The following HTR1F variants were observed in gnomAD, a reference collection of about 807,000 sequenced individuals.
HTR1F encodes the protein 5-hydroxytryptamine (serotonin) receptor 1F, G protein-coupled.
In HTR1F, 17 loss-of-function variants were observed where a neutral mutation model predicts 24.0. The observed-to-expected ratio is 0.71, with a 90% CI of 0.48 to 1.06. The LOEUF is 1.06. Among genes scored for constraint, HTR1F ranks in the 50% least tolerant of loss-of-function variants. HTR1F has a pLI of 0.00. For missense variants in HTR1F, 391 were observed against 427.8 expected (o/e 0.91, Z 0.76); for synonymous variants, 186 against 156.8 (o/e 1.19, Z -1.39).
chr3:87,863,195 G>T (rs1197028175), intron 2 of HTR1F, among the ~76,000 whole-genome samples: 3 of 152,188 alleles, frequency 2.0e-5, no homozygotes, highest in Admixed American at 6.6e-5. Context: ...TTAGCAAAAG[G>T]TCGTCCAACC....
chr3:87,963,360 C>A (rs947536504), intron 2 of HTR1F, among the ~76,000 whole-genome samples: 3 of 152,070 alleles, frequency 2.0e-5, no homozygotes, highest in African/African-American at 7.2e-5. Context: ...ACAACTATCT[C>A]TAGGAAAGCT....
At chr3:87,817,056 T>A (rs1575901950) in intron 1 of HTR1F, among the ~76,000 whole-genome samples, 1 of 152,140 alleles carries the variant, frequency 6.6e-6, no homozygotes, top group East Asian at 1.9e-4. Flanking sequence ...GAGCTTATAG[T>A]TTTACTAAAG....
At chr3:87,875,107 G>A (rs1433240436) in intron 2 of HTR1F, among the ~76,000 whole-genome samples, 1 of 152,070 alleles carries the variant, frequency 6.6e-6, no homozygotes, top group Non-Finnish European at 1.5e-5. Flanking sequence ...CAAAAGCACA[G>A]GTTAACAAAA....
chr3:87,946,326 A>G (rs1259432320), intron 2 of HTR1F, among the ~76,000 whole-genome samples: 1 of 152,176 alleles, frequency 6.6e-6, no homozygotes, highest in Non-Finnish European at 1.5e-5. Flanking sequence ...GCAAGATTTA[A>G]TAGCCTGAAA....
At chr3:87,912,431 A>G (rs1703798561) in intron 2 of HTR1F, among the ~76,000 whole-genome samples, 1 of 152,100 alleles carries the variant, frequency 6.6e-6, no homozygotes, top group South Asian at 2.1e-4. Flanking sequence ...TGATACAAAC[A>G]AATGGAAAAA....
At chr3:87,849,267 T>C (rs1374260108) in intron 2 of HTR1F, among the ~76,000 whole-genome samples, 15 of 151,660 alleles carry the variant, frequency 9.9e-5, no homozygotes, top group Non-Finnish European at 1.8e-4. Context: ...GAGATATAGA[T>C]CAATGCAACA....
chr3:87,850,325 G>C (rs772180917), intron 2 of HTR1F, among the ~76,000 whole-genome samples: 1 of 151,822 alleles, frequency 6.6e-6, no homozygotes, highest in Non-Finnish European at 1.5e-5. Flanking sequence ...GGATGAAGCC[G>C]GAAACCATCA....
intron 2 of HTR1F, among the ~76,000 whole-genome samples, chr3:87,904,790 C>A (rs1462338164): frequency 6.6e-6 from 1 of 152,016 alleles, no homozygotes; most frequent in African/African-American, 2.4e-5. Flanking sequence ...TACCAGTAAG[C>A]TAATCTAGAT....
In HTR1F at chr3:87,815,736, C is replaced by T. The variant is rs533095245; in HGVS notation, c.-159-6272C>T. ...TTCCTGCCTTACTTTACACTGAAGG[C>T]AAATTTAGAAGCTCTTGATTACTAT... is the stretch of plus-strand genomic sequence containing the variant. On this transcript the variant is annotated intron_variant, in intron 1 of 2. Transcript: ENST00000319595. 7.2e-5 allele frequency among the ~76,000 whole-genome samples: 11 copies of T among 152,152 alleles called. No individual in the cohort carries two copies. In the South Asian group the frequency reaches 2.1e-3, roughly 29 times the overall value.
chr3:87,937,054 G>A (rs1286736618), intron 2 of HTR1F, among the ~76,000 whole-genome samples: 2 of 139,920 alleles, frequency 1.4e-5, no homozygotes, highest in Middle Eastern at 4.0e-3. Flanking sequence ...GTACAAAGAA[G>A]AGCTGGTACC....
At chr3:87,952,089 G>A (rs1354401645) in intron 2 of HTR1F, among the ~76,000 whole-genome samples, 1 of 151,816 alleles carries the variant, frequency 6.6e-6, no homozygotes, top group Non-Finnish European at 1.5e-5. Flanking sequence ...TCTTGGTTGA[G>A]ATTTTTTTTC....
chr3:87,822,731 T>G (rs1179773575), intron 2 of HTR1F, among the ~76,000 whole-genome samples: 1 of 152,208 alleles, frequency 6.6e-6, no homozygotes, highest in Non-Finnish European at 1.5e-5. Flanking sequence ...AGCTTATCCA[T>G]GTGATACACA....
rs868771308 is a variant in HTR1F, at chr3:87,872,940, G to A, written c.-43+50816G>A. Among the ~76,000 whole-genome samples the A allele has an allele frequency of 3.3e-5, 5 of 152,070 alleles. No individual in the cohort carries two copies. The Middle Eastern group carries it at 0.01, about 310-fold the overall frequency. On this transcript the variant is annotated intron_variant, in intron 2 of 2. Coordinates refer to ENST00000319595, the MANE Select transcript of HTR1F (RefSeq NM_001322209.2). ...AGGAATGCTTTGAAACTTATTTTAT[G>A]AGGCAAGGAATATGCTGATACAAAA...
chr3:87,951,271 C>T (rs778764654), intron 2 of HTR1F, among the ~76,000 whole-genome samples: 9 of 152,068 alleles, frequency 5.9e-5, no homozygotes, highest in South Asian at 4.1e-4. Context: ...AGCATTACCA[C>T]GAAGAACAAT....
intron 2 of HTR1F, among the ~76,000 whole-genome samples, chr3:87,878,903 C>T (rs1705727080): frequency 6.6e-6 from 1 of 152,076 alleles, no homozygotes; most frequent in Non-Finnish European, 1.5e-5. Context: ...TGTTCTGAAA[C>T]ACAGTAGGAA....
chr3:87,847,460 G>A (rs1441345109), intron 2 of HTR1F, among the ~76,000 whole-genome samples: 2 of 151,792 alleles, frequency 1.3e-5, no homozygotes, highest in African/African-American at 4.9e-5. Flanking sequence ...TTTGTTACAT[G>A]CATAGAATAT....
At chr3:87,805,181 T>C (rs1704053383) in intron 1 of HTR1F, among the ~76,000 whole-genome samples, 1 of 152,076 alleles carries the variant, frequency 6.6e-6, no homozygotes, top group Non-Finnish European at 1.5e-5. Flanking sequence ...TTTTGTAATA[T>C]GTTAACAACT....
intron 2 of HTR1F, among the ~76,000 whole-genome samples, chr3:87,859,375 G>C (rs1423515878): frequency 6.6e-6 from 1 of 152,164 alleles, no homozygotes; most frequent in South Asian, 2.1e-4. Context: ...AGACCAGCTG[G>C]TTTACTAATA....
Position 87,991,807 on chromosome 3 carries a change from A to G in HTR1F, c.1058A>G (p.Asp353Gly). 6.3e-7 allele frequency: 1 copy of G among 1,591,368 alleles called. No individual in the cohort carries two copies. The highest frequency in any genetic ancestry group is 1.2e-5 in the South Asian group (1 of 86,674). ...NPLIYTIFNE[D>G]FKKAFQKLVR... ...CTGATTTACACAATCTTTAATGAAGACTTCAAGAAAGCATTCCAAAAGCTT... is the reference window on the plus strand; with the variant it reads ...CTGATTTACACAATCTTTAATGAAGGCTTCAAGAAAGCATTCCAAAAGCTT... Residue 353 changes from aspartate to glycine, a missense_variant, in exon 3 of 3, where the codon GAC becomes GGC. Asp to Gly is a moderately conservative substitution (Grantham distance 94). Transcript: ENST00000319595.
Sources: allele counts gnomAD v4.1 joint callset (sites outside exome capture counted in the v4.1 genomes callset), GRCh38; gene constraint gnomAD v4.1.1; transcripts MANE v1.5; gene names NCBI Gene and HGNC (gene_info 2026-07-23, HGNC 2026-07-21).